Variants in HS3ST4 observed in about 807,000 individuals in gnomAD.
HS3ST4 encodes the protein heparan sulfate-glucosamine 3-sulfotransferase 4.
HS3ST4 carries 17 observed loss-of-function variants against 29.2 expected under a neutral mutation model. That is an observed-to-expected ratio of 0.58 (90% CI 0.40 to 0.87). The LOEUF is 0.87. Among genes scored for constraint, HS3ST4 ranks in the 40% least tolerant of loss-of-function variants. HS3ST4 has a pLI of 0.00. For synonymous variants in HS3ST4, 314 were observed against 285.7 expected (o/e 1.10, Z -1.00); for missense variants, 627 against 634.5 (o/e 0.99, Z 0.13).
chr16:25,812,258 C>T (rs1372716829), intron 1 of HS3ST4, among the ~76,000 whole-genome samples: 1 of 152,180 alleles, frequency 6.6e-6, no homozygotes, highest in Admixed American at 6.5e-5. Flanking sequence ...TGGCAAATGT[C>T]ACAAATATCT....
At chr16:25,789,883 C>T in intron 1 of HS3ST4, among the ~76,000 whole-genome samples, 1 of 152,196 alleles carries the variant, frequency 6.6e-6, no homozygotes. Flanking sequence ...TTGTGAGATA[C>T]ATCCAGTTGT....
At chr16:25,767,527 A>G (rs1966827938) in intron 1 of HS3ST4, among the ~76,000 whole-genome samples, 1 of 152,314 alleles carries the variant, frequency 6.6e-6, no homozygotes, top group South Asian at 2.1e-4. Context: ...ACGTAAGTCA[A>G]ATATTTTTGT....
At chr16:25,866,084 C>A (rs150600247) in intron 1 of HS3ST4, among the ~76,000 whole-genome samples, 1 of 152,144 alleles carries the variant, frequency 6.6e-6, no homozygotes, top group African/African-American at 2.4e-5. Context: ...GTAATCTATC[C>A]ATTTGCAAAA....
chr16:26,070,850 G>T (rs189530137), intron 1 of HS3ST4, among the ~76,000 whole-genome samples: 2 of 152,114 alleles, frequency 1.3e-5, no homozygotes, highest in Non-Finnish European at 2.9e-5. Flanking sequence ...TTTAAAAAAG[G>T]CATTCCATTG....
intron 1 of HS3ST4, among the ~76,000 whole-genome samples, chr16:26,089,011 T>C (rs540028385): frequency 6.6e-6 from 1 of 152,362 alleles, no homozygotes; most frequent in Non-Finnish European, 1.5e-5. Flanking sequence ...AGAGGACATA[T>C]GTCTAGCTTG....
intron 1 of HS3ST4, among the ~76,000 whole-genome samples, chr16:25,887,132 G>C (rs1967961806): frequency 6.6e-6 from 1 of 152,088 alleles, no homozygotes; most frequent in African/African-American, 2.4e-5. Flanking sequence ...ACCTGGGGGT[G>C]GGGGAGAAAA....
In HS3ST4 at chr16:26,130,796, C is replaced by G. The variant is rs1270346775; in HGVS notation, c.735-4816C>G. Among the ~76,000 whole-genome samples, 9 of 152,336 alleles carry G rather than the reference C, an allele frequency of 5.9e-5. No individual in the cohort carries two copies. In the East Asian group the frequency reaches 1.7e-3, roughly 29 times the overall value. On this transcript the variant is annotated intron_variant, in intron 1 of 1. Transcript: ENST00000331351. ...GTAAAGAGGGCAGACATTCTTCTCC[C>G]TACTCCCTGGCAGGTGGAACTTGAA...
At chr16:25,896,332 G>A (rs902899905) in intron 1 of HS3ST4, among the ~76,000 whole-genome samples, 13 of 152,068 alleles carry the variant, frequency 8.5e-5, no homozygotes, top group Non-Finnish European at 2.9e-5. Flanking sequence ...TAACCTAGAG[G>A]GCAAAGGACT....
chr16:25,929,918 C>T (rs1968446449), intron 1 of HS3ST4, among the ~76,000 whole-genome samples: 1 of 152,088 alleles, frequency 6.6e-6, no homozygotes, highest in Non-Finnish European at 1.5e-5. Flanking sequence ...AAGGCCAGTG[C>T]CCAACAGTTA....
At chr16:25,944,459 G>A (rs929328765) in intron 1 of HS3ST4, among the ~76,000 whole-genome samples, 7 of 152,188 alleles carry the variant, frequency 4.6e-5, no homozygotes, top group African/African-American at 1.7e-4. Context: ...GAATGCCTAA[G>A]CAAAACCCCC....
At chr16:26,134,507 C>A (rs552567351) in intron 1 of HS3ST4, among the ~76,000 whole-genome samples, 1 of 151,796 alleles carries the variant, frequency 6.6e-6, no homozygotes, top group Non-Finnish European at 1.5e-5. Flanking sequence ...GGACTGCAGG[C>A]GCGTGCCACC....
intron 1 of HS3ST4, among the ~76,000 whole-genome samples, chr16:25,967,709 C>T (rs1447286664): frequency 6.6e-6 from 1 of 152,138 alleles, no homozygotes; most frequent in Non-Finnish European, 1.5e-5. Flanking sequence ...ACCTCCTGGA[C>T]TCAAGTGAGA....
chr16:25,757,653 T>C (rs1477110638), intron 1 of HS3ST4, among the ~76,000 whole-genome samples: 1 of 151,692 alleles, frequency 6.6e-6, no homozygotes. Context: ...GCCCTGGTCA[T>C]ATGTTCTGGA....
intron 1 of HS3ST4, among the ~76,000 whole-genome samples, chr16:25,894,332 G>T (rs1370930927): frequency 6.6e-6 from 1 of 152,138 alleles, no homozygotes; most frequent in Non-Finnish European, 1.5e-5. Flanking sequence ...CCAGATATAG[G>T]CAAAGAAGTC....
chr16:25,926,913 C>T (rs1340263181), intron 1 of HS3ST4, among the ~76,000 whole-genome samples: 3 of 152,140 alleles, frequency 2.0e-5, no homozygotes, highest in African/African-American at 7.2e-5. Context: ...CCCCATTTTG[C>T]ATCCACTTTG....
At chr16:25,731,608 T>TG (rs1202321794) in intron 1 of HS3ST4, among the ~76,000 whole-genome samples, 1 of 152,192 alleles carries the variant, frequency 6.6e-6, no homozygotes, top group Non-Finnish European at 1.5e-5. Context: ...CCCAAAGTGC[T>TG]GGGATTACAG....
At chr16:25,756,016 A>AT (rs1416143844) in intron 1 of HS3ST4, among the ~76,000 whole-genome samples, 3 of 152,090 alleles carry the variant, frequency 2.0e-5, no homozygotes, top group Non-Finnish European at 4.4e-5. Context: ...GAGAAACTAC[A>AT]TTTTTTTGTG....
chr16:25,905,872 C>A (rs545917402), intron 1 of HS3ST4, among the ~76,000 whole-genome samples: 2 of 152,140 alleles, frequency 1.3e-5, no homozygotes, highest in African/African-American at 2.4e-5. Context: ...TGTATCTTTG[C>A]GCATCAGGGC....
At chr16:25,750,850 A>G (rs769984880) in intron 1 of HS3ST4, among the ~76,000 whole-genome samples, 1 of 151,982 alleles carries the variant, frequency 6.6e-6, no homozygotes, top group Non-Finnish European at 1.5e-5. Context: ...TTTCCAGTGG[A>G]TTCAATTAGT....
Sources: gnomAD v4.1 joint callset for allele counts (sites outside exome capture counted in the v4.1 genomes callset) on GRCh38, gnomAD v4.1.1 for gene constraint, MANE v1.5 for transcripts, NCBI Gene and HGNC (gene_info 2026-07-23, HGNC 2026-07-21) for gene names.